AK5: variants seen among roughly 807,000 people sequenced by gnomAD.
AK5 encodes adenylate kinase 5.
Under a neutral mutation model 69.5 loss-of-function variants are expected in AK5, and 27 were observed. The observed-to-expected ratio is 0.39, with a 90% CI of 0.29 to 0.54. AK5 has a LOEUF of 0.54. Ranked by LOEUF, AK5 falls within the 20% of genes least tolerant of loss-of-function variation. AK5 has a pLI of 0.71. For missense variants in AK5, 531 were observed against 700.4 expected (o/e 0.76, Z 2.73); for synonymous variants, 260 against 244.4 (o/e 1.06, Z -0.60).
intron 5 of AK5, among the ~76,000 whole-genome samples, chr1:77,322,960 G>A (rs1401732857): frequency 6.6e-6 from 1 of 151,578 alleles, no homozygotes; most frequent in Non-Finnish European, 1.5e-5. Context: ...GTTCTGCGCT[G>A]TTTATTTCAA....
chr1:77,393,973 G>T (rs577955625), intron 6 of AK5, among the ~76,000 whole-genome samples: 17 of 152,224 alleles, frequency 1.1e-4, no homozygotes, highest in African/African-American at 3.6e-4. Flanking sequence ...CCAGCACTTT[G>T]GGAGGTTGAG....
chr1:77,545,140 G>A (rs182889419), intron 13 of AK5, among the ~76,000 whole-genome samples: 27 of 152,282 alleles, frequency 1.8e-4, no homozygotes, highest in Admixed American at 9.2e-4. Context: ...AATTAACAAT[G>A]CCCTTCACAA....
intron 6 of AK5, among the ~76,000 whole-genome samples, chr1:77,378,615 C>T (rs548818792): frequency 6.6e-6 from 1 of 152,282 alleles, no homozygotes; most frequent in East Asian, 1.9e-4. Flanking sequence ...GCCATCGCAC[C>T]AGGCCAGTAT....
intron 8 of AK5, 75 bp from the exon 9 acceptor site, chr1:77,483,242 G>A: frequency 9.6e-7 from 1 of 1,041,730 alleles, no homozygotes; most frequent in Non-Finnish European, 1.5e-6. Flanking sequence ...GGAAGTTCAA[G>A]TAGGCCAGTG....
intron 13 of AK5, chr1:77,540,371 C>T (rs1259686997): frequency 6.6e-6 from 1 of 152,192 alleles, no homozygotes; most frequent in South Asian, 2.1e-4. Flanking sequence ...ACAGAACTTT[C>T]CTCCATTTCA....
chr1:77,297,801 G>C (rs2100245672), intron 4 of AK5, 33 bp from the exon 5 acceptor site: 1 of 1,604,748 alleles, frequency 6.2e-7, no homozygotes, highest in East Asian at 2.2e-5. Context: ...TTTAACTGTG[G>C]GGTTTTTTTG....
At chr1:77,332,402 C>T (rs1467242357) in intron 5 of AK5, among the ~76,000 whole-genome samples, 1 of 144,218 alleles carries the variant, frequency 6.9e-6, no homozygotes, top group Non-Finnish European at 1.5e-5. Context: ...CTAAATTTTT[C>T]TTTTTTTTTT....
chr1:77,423,697 G>A (rs1249017047), intron 8 of AK5, among the ~76,000 whole-genome samples: 1 of 151,974 alleles, frequency 6.6e-6, no homozygotes, highest in East Asian at 1.9e-4. Context: ...TGGACAATAT[G>A]AGAGTTAAAA....
At chr1:77,300,697 G>C (rs371720540) in intron 5 of AK5, among the ~76,000 whole-genome samples, 2 of 152,116 alleles carry the variant, frequency 1.3e-5, no homozygotes, top group Admixed American at 6.5e-5. Context: ...GACCCCACAG[G>C]TTAAGAGCTT....
At chr1:77,496,976 A>G (rs1656353984) in intron 10 of AK5, among the ~76,000 whole-genome samples, 1 of 152,242 alleles carries the variant, frequency 6.6e-6, no homozygotes. Context: ...AGGGAATAAA[A>G]GCTGGCCACC....
At chr1:77,544,368 T>A (rs1360745146) in intron 13 of AK5, among the ~76,000 whole-genome samples, 3 of 152,226 alleles carry the variant, frequency 2.0e-5, no homozygotes, top group East Asian at 3.8e-4. Flanking sequence ...CTTTCTTCAA[T>A]AATAACTTTG....
intron 13 of AK5, among the ~76,000 whole-genome samples, chr1:77,557,635 T>G (rs1310780499): frequency 6.6e-6 from 1 of 152,104 alleles, no homozygotes; most frequent in East Asian, 1.9e-4. Flanking sequence ...CCTAGTCTTT[T>G]GCTTTCTTCT....
chr1:77,444,684 A>G (rs1038276033), intron 8 of AK5, among the ~76,000 whole-genome samples: 3 of 132,700 alleles, frequency 2.3e-5, no homozygotes, highest in African/African-American at 8.5e-5. Context: ...TATATAGTAT[A>G]TACATAGTAT....
chr1:77,410,956 A>T, intron 6 of AK5, 25 bp from the exon 7 acceptor site: 1 of 1,601,356 alleles, frequency 6.2e-7, no homozygotes, highest in South Asian at 1.1e-5. Context: ...CACATTCCAA[A>T]CTTGTCTGTC....
At chr1:77,522,182 A>ACTCT (rs931938898) in intron 12 of AK5, among the ~76,000 whole-genome samples, 4 of 148,132 alleles carry the variant, frequency 2.7e-5, no homozygotes, top group African/African-American at 7.4e-5. Flanking sequence ...CAATTGTCTG[A>ACTCT]CTCTCTCTCT....
intron 8 of AK5, 121 bp downstream of exon 8, chr1:77,417,836 A>G: frequency 1.7e-6 from 1 of 606,042 alleles, no homozygotes; most frequent in South Asian, 2.1e-5. Flanking sequence ...ATAACTAATA[A>G]CATATTACAT....
At chr1:77,527,633 T>C (rs1267241221) in intron 12 of AK5, among the ~76,000 whole-genome samples, 1 of 152,240 alleles carries the variant, frequency 6.6e-6, no homozygotes, top group Non-Finnish European at 1.5e-5. Flanking sequence ...TACATACTGC[T>C]AGGAGGAACT....
At chr1:77,322,984 C>T (rs983639296) in intron 5 of AK5, among the ~76,000 whole-genome samples, 2 of 149,548 alleles carry the variant, frequency 1.3e-5, no homozygotes, top group African/African-American at 5.0e-5. Flanking sequence ...CTTTGTTTTT[C>T]TTTTCTTTTT....
At chr1:77,312,114 G>A (rs1659991244) in intron 5 of AK5, among the ~76,000 whole-genome samples, 2 of 152,144 alleles carry the variant, frequency 1.3e-5, no homozygotes, top group African/African-American at 2.4e-5. Context: ...TAGGAAGTAC[G>A]TGCCAAGTGC....
Sources: allele counts gnomAD v4.1 joint callset (sites outside exome capture counted in the v4.1 genomes callset), GRCh38; gene constraint gnomAD v4.1.1; transcripts MANE v1.5; gene names NCBI Gene and HGNC (gene_info 2026-07-23, HGNC 2026-07-21).